RYR2: variants seen among roughly 807,000 people sequenced by gnomAD.
RYR2 encodes the protein ryanodine receptor 2, also known as cardiac muscle ryanodine receptor-calcium release channel.
A neutral mutation model predicts 601.1 loss-of-function variants in RYR2; 227 were observed. The observed-to-expected ratio is 0.38, with a 90% CI of 0.34 to 0.42. The LOEUF (loss-of-function observed/expected upper bound fraction) is 0.42, where lower values mean the gene tolerates loss of function less well. Among genes scored for constraint, RYR2 ranks in the 10% least tolerant of loss-of-function variants. The pLI, the probability that RYR2 is intolerant of heterozygous loss-of-function variation, is 1.00. For synonymous variants in RYR2, 2,223 were observed against 2,175.1 expected, an observed-to-expected ratio of 1.02 and a Z score of -0.61; for missense variants, 4,646 against 6,156.5, an observed-to-expected ratio of 0.75 and a Z score of 8.21.
rs536037366 is a variant in RYR2 at position 237,678,093 on chromosome 1, A to C, written c.8876A>C (p.Glu2959Ala). 5 of 1,598,906 alleles carry C rather than the reference A, an allele frequency of 3.1e-6. No homozygotes were observed. Among genetic ancestry groups the C allele is most frequent in the South Asian group, 1.1e-5 (1 of 89,880 alleles). Residue 2959 changes from glutamate to alanine, a missense_variant, in exon 61 of 105, where the codon GAA (glutamate) becomes GCA (alanine). Glu to Ala is a moderately radical substitution (Grantham distance 107). Transcript: ENST00000366574. The stretch of plus-strand genomic sequence containing the variant: ...GGAGAACATTTCCCTTATGAACAAG[A>C]AATCAAGTTCTTTGCAAAAGTACAG... ...GKGEHFPYEQ[E>A]IKFFAKVVLP... is the part of the protein sequence containing the mutation.
intron 48 of RYR2, 133 bp from the exon 49 acceptor site, chr1:237,648,311 G>C (rs1682379532): frequency 2.6e-6 from 2 of 772,848 alleles, no homozygotes; most frequent in Non-Finnish European, 3.9e-6. Flanking sequence ...AATAGCTTGA[G>C]GGTAGTCGAA....
chr1:237,218,746 G>T (rs1292963865), intron 1 of RYR2, among the ~76,000 whole-genome samples: 1 of 152,082 alleles, frequency 6.6e-6, no homozygotes, highest in Non-Finnish European at 1.5e-5. Flanking sequence ...TTCACCTCTG[G>T]TTTAGGGTTG....
Position 237,756,329 on chromosome 1 carries a change from C to T in RYR2, c.11187C>T (p.Ala3729=). Residue 3729 remains alanine, a synonymous_variant, in exon 81 of 105, where the codon GCC becomes GCT. Coordinates refer to ENST00000366574, the MANE Select transcript of RYR2 (RefSeq NM_001035.3). The part of the protein sequence containing the change: ...MEKQKLLYQQ[A]RLHDRGAAEM... ...AGCAAAAGCTTCTATACCAGCAAGC[C>T]CGACTCCACGATCGTGGCGCGGCTG... 1 of 1,613,490 alleles carries T rather than the reference C, an allele frequency of 6.2e-7. No homozygotes were observed. Among genetic ancestry groups the T allele is most frequent in the Non-Finnish European group, 8.5e-7 (1 of 1,179,616 alleles).
chr1:237,605,183 G>A (rs905964705), intron 35 of RYR2, among the ~76,000 whole-genome samples: 7 of 152,114 alleles, frequency 4.6e-5, no homozygotes, highest in Non-Finnish European at 1.0e-4. Flanking sequence ...ATAAAATACT[G>A]GCAAACGGAA....
intron 1 of RYR2, among the ~76,000 whole-genome samples, chr1:237,234,212 A>G (rs1400123856): frequency 6.6e-6 from 1 of 152,202 alleles, no homozygotes; most frequent in Non-Finnish European, 1.5e-5. Flanking sequence ...AGTCTCTCCC[A>G]TGCCATTGCA....
Position 237,639,109 on chromosome 1 carries a change from T to C in RYR2, c.7023T>C (p.Asn2341=). ...FGPALRGEGG[N]GLLAAMEEAI... ...CTGCTTTGAGAGGAGAAGGTGGGAA[T>C]GGGCTTCTTGCAGCAATGGAAGAAG... The change falls in exon 46 of 105, where the codon AAT becomes AAC. Residue 2341 remains asparagine (N), a synonymous_variant. Transcript: ENST00000366574. 2 of 1,613,928 alleles carry C rather than the reference T, an allele frequency of 1.2e-6. No homozygotes were observed. The highest frequency in any genetic ancestry group is 1.7e-6 in the Non-Finnish European group (2 of 1,179,868).
chr1:237,503,642 G>C (rs1217113591), intron 22 of RYR2, 137 bp downstream of exon 22: 1 of 726,572 alleles, frequency 1.4e-6, no homozygotes, highest in Non-Finnish European at 2.3e-6. Context: ...GGACTGAAAT[G>C]AGTCTCATAA....
intron 2 of RYR2, among the ~76,000 whole-genome samples, chr1:237,302,850 A>G (rs1014910397): frequency 6.6e-6 from 1 of 152,194 alleles, no homozygotes; most frequent in Non-Finnish European, 1.5e-5. Flanking sequence ...TAAATTCCTA[A>G]AAATGGAATT....
intron 84 of RYR2, among the ~76,000 whole-genome samples, chr1:237,764,358 A>T (rs1558366668): frequency 7.2e-6 from 1 of 138,238 alleles, no homozygotes; most frequent in Admixed American, 7.3e-5. Flanking sequence ...ATCTGTTCAT[A>T]TTCTTCAGGG....
In RYR2 at chr1:237,270,545, C is replaced by T; in HGVS notation, c.97C>T (p.Gln33Ter). 1 of 1,598,642 alleles carries T rather than the reference C, an allele frequency of 6.3e-7. No individual in the cohort carries two copies. Among genetic ancestry groups the T allele is most frequent in the Non-Finnish European group, 8.5e-7 (1 of 1,172,224 alleles). Reference sequence around the variant, plus strand: ...CACCGCAACCATCCACAAAGAACAACAGAAGCTATGCTTGGCAGCAGAAGG... The same window carrying T: ...CACCGCAACCATCCACAAAGAACAATAGAAGCTATGCTTGGCAGCAGAAGG... The part of the protein sequence containing the change: ...QCTATIHKEQ[Q>*]KLCLAAEGFG... Residue 33 changes from glutamine (Q) to a stop codon, truncating the protein, a stop_gained, in exon 2 of 105, where the codon CAG becomes TAG. Coordinates refer to ENST00000366574, the MANE Select transcript of RYR2 (RefSeq NM_001035.3). LOFTEE classifies it high-confidence loss of function.
chr1:237,452,708 A>G (rs1261230842), intron 14 of RYR2, among the ~76,000 whole-genome samples: 1 of 151,164 alleles, frequency 6.6e-6, no homozygotes, highest in East Asian at 1.9e-4. Context: ...CAAGGTTAAT[A>G]GCTTTCATTT....
At chr1:237,242,660 A>G (rs1686327905) in intron 1 of RYR2, among the ~76,000 whole-genome samples, 1 of 152,174 alleles carries the variant, frequency 6.6e-6, no homozygotes, top group South Asian at 2.1e-4. Flanking sequence ...GAGAAAATAT[A>G]TAACATGAAT....
At chr1:237,759,577 C>A (rs1693241451) in intron 82 of RYR2, among the ~76,000 whole-genome samples, 199 bp from the exon 83 acceptor site, 1 of 152,188 alleles carries the variant, frequency 6.6e-6, no homozygotes, top group Admixed American at 6.5e-5. Flanking sequence ...AGGCAACTAA[C>A]CCTCTTATTC....
At chr1:237,831,593 T>C (rs146698755) in intron 104 of RYR2, 28 bp downstream of exon 104, 8 of 1,324,758 alleles carry the variant, frequency 6.0e-6, no homozygotes, top group Non-Finnish European at 7.5e-6. Context: ...TGTCATCTTC[T>C]GAAAGAAATG....
intron 10 of RYR2, among the ~76,000 whole-genome samples, chr1:237,393,168 C>T (rs1003216058): frequency 6.6e-6 from 1 of 152,052 alleles, no homozygotes; most frequent in Non-Finnish European, 1.5e-5. Flanking sequence ...GTTCTTCTTC[C>T]ACCTTATCTG....
chr1:237,122,691 A>G (rs1188413792), intron 1 of RYR2, among the ~76,000 whole-genome samples: 2 of 151,922 alleles, frequency 1.3e-5, no homozygotes, highest in Non-Finnish European at 2.9e-5. Flanking sequence ...AAAACAAACA[A>G]ACAAACAAAC....
chr1:237,248,292 C>A (rs1464897049), intron 1 of RYR2, among the ~76,000 whole-genome samples: 2 of 99,554 alleles, frequency 2.0e-5, no homozygotes, highest in South Asian at 5.6e-4. Flanking sequence ...GCCCCCCCCC[C>A]CCCCCCCAAA....
At chr1:237,204,244 G>A (rs1681527914) in intron 1 of RYR2, among the ~76,000 whole-genome samples, 1 of 152,010 alleles carries the variant, frequency 6.6e-6, no homozygotes, top group African/African-American at 2.4e-5. Context: ...CCTAACCTCA[G>A]GTGATCCACC....
At chr1:237,124,532 G>T (rs75109004) in intron 1 of RYR2, among the ~76,000 whole-genome samples, 8,319 of 152,272 alleles carry the variant, frequency 0.055, 790 homozygotes, top group African/African-American at 0.19. Flanking sequence ...CTTTCTGAAG[G>T]TTCTAGGAGA....
Sources: allele counts gnomAD v4.1 joint callset (sites outside exome capture counted in the v4.1 genomes callset), GRCh38; gene constraint gnomAD v4.1.1; transcripts MANE v1.5; gene names NCBI Gene and HGNC (gene_info 2026-07-23, HGNC 2026-07-21).